UQCC2: variants seen among roughly 807,000 people sequenced by gnomAD.
UQCC2 encodes the protein ubiquinol-cytochrome c reductase complex assembly factor 2, also known as breast cancer-associated protein SGA-81M.
Under a neutral mutation model 19.9 loss-of-function variants are expected in UQCC2, and 21 were observed. The observed-to-expected ratio is 1.05, with a 90% confidence interval of 0.75 to 1.52. UQCC2 has a LOEUF of 1.52. UQCC2 is among the 40% of genes most tolerant of loss of function. UQCC2 has a pLI of 0.00. For synonymous variants in UQCC2, 57 were observed against 60.9 expected, an observed-to-expected ratio of 0.94 and a Z score of 0.30; for missense variants, 135 against 157.5, an observed-to-expected ratio of 0.86 and a Z score of 0.76.
chr6:33,704,069 G>C (rs1322748806), intron 1 of UQCC2, among the ~76,000 whole-genome samples: 2 of 152,174 alleles, frequency 1.3e-5, no homozygotes, highest in African/African-American at 2.4e-5. Flanking sequence ...GGTGGTGTGA[G>C]GATAAATGAG....
chr6:33,706,295 T>A (rs1480323292), intron 1 of UQCC2, among the ~76,000 whole-genome samples: 2 of 152,230 alleles, frequency 1.3e-5, no homozygotes, highest in Non-Finnish European at 2.9e-5. Context: ...GAGTTCATTC[T>A]GTTATGGGAG....
rs1431455474 is a variant in UQCC2, at chr6:33,697,605, A to T, written c.*48T>A. Reference sequence around the variant, plus strand: ...TGGGGCAGTTTTATTGACGATGGCAATGTACAAGACTCCACACCTAGGTAT... The same window carrying T: ...TGGGGCAGTTTTATTGACGATGGCATTGTACAAGACTCCACACCTAGGTAT... On this transcript the variant is annotated 3_prime_UTR_variant, in exon 4 of 4. Coordinates refer to ENST00000607484, the MANE Select transcript of UQCC2 (RefSeq NM_032340.4). 1 of 1,421,486 alleles carries T rather than the reference A, an allele frequency of 7.0e-7. No individual in the cohort carries two copies. Among genetic ancestry groups the T allele is most frequent in the South Asian group, 1.3e-5 (1 of 79,698 alleles). The allele number at this position is 1,421,486 out of a possible 1,614,324, so 88.1% of individuals were successfully genotyped here.
intron 1 of UQCC2, 47 bp from the exon 2 acceptor site, chr6:33,701,467 T>C (rs2127334278): frequency 6.3e-7 from 1 of 1,576,550 alleles, no homozygotes; most frequent in South Asian, 1.1e-5. Flanking sequence ...GAGTCCTGCC[T>C]CCCACAGTGT....
At chr6:33,702,336 CAA>C (rs10947431) in intron 1 of UQCC2, among the ~76,000 whole-genome samples, 24 of 130,152 alleles carry the variant, frequency 1.8e-4, no homozygotes, top group Admixed American at 3.1e-4. Context: ...TTAGCAAAGG[CAA>C]AAAAAAAAAA....
At chr6:33,708,019 G>T (rs1020669120) in intron 1 of UQCC2, among the ~76,000 whole-genome samples, 3 of 152,218 alleles carry the variant, frequency 2.0e-5, no homozygotes, top group African/African-American at 7.2e-5. Flanking sequence ...TGGAGGCAGT[G>T]GTTTTTGTAC....
intron 1 of UQCC2, among the ~76,000 whole-genome samples, chr6:33,709,753 TTCG>T (rs1010218561): frequency 6.6e-6 from 1 of 152,086 alleles, no homozygotes; most frequent in Non-Finnish European, 1.5e-5. Flanking sequence ...TTGGCTCTGT[TTCG>T]GGCTAAGCTG....
intron 1 of UQCC2, among the ~76,000 whole-genome samples, chr6:33,704,330 A>T (rs1279113672): frequency 6.6e-6 from 1 of 152,220 alleles, no homozygotes; most frequent in Non-Finnish European, 1.5e-5. Context: ...GGATGGGCGC[A>T]TGTACCGGCA....
chr6:33,701,499 T>C (rs1414810126), intron 1 of UQCC2, 79 bp from the exon 2 acceptor site: 4 of 1,426,802 alleles, frequency 2.8e-6, no homozygotes. Context: ...GGAAAGACCA[T>C]ACTTAATAAA....
chr6:33,706,489 G>GT (rs1765700067), intron 1 of UQCC2, among the ~76,000 whole-genome samples: 1 of 152,080 alleles, frequency 6.6e-6, no homozygotes, highest in East Asian at 1.9e-4. Flanking sequence ...GGGGCAATGT[G>GT]TAAGTGAGAG....
intron 1 of UQCC2, among the ~76,000 whole-genome samples, chr6:33,708,359 G>A (rs1305534195): frequency 6.6e-6 from 1 of 152,146 alleles, no homozygotes; most frequent in Non-Finnish European, 1.5e-5. Flanking sequence ...TTTCTCACTT[G>A]GCTTGTCTCT....
At chr6:33,701,931 C>A (rs930858280) in intron 1 of UQCC2, among the ~76,000 whole-genome samples, 1 of 151,826 alleles carries the variant, frequency 6.6e-6, no homozygotes, top group African/African-American at 2.4e-5. Context: ...AAGGGCAGGC[C>A]TTCCTGGGGG....
intron 3 of UQCC2, 81 bp from the exon 4 acceptor site, chr6:33,697,831 G>C: frequency 1.7e-6 from 2 of 1,144,062 alleles, no homozygotes; most frequent in Non-Finnish European, 2.5e-6. Context: ...GGGCTTTCCC[G>C]ACACAAGCAT....
chr6:33,701,465 C>T, intron 1 of UQCC2, 45 bp from the exon 2 acceptor site: 1 of 1,583,756 alleles, frequency 6.3e-7, no homozygotes. Context: ...AGGAGTCCTG[C>T]CTCCCACAGT....
chr6:33,703,532 G>A (rs986876040), intron 1 of UQCC2, among the ~76,000 whole-genome samples: 2 of 151,894 alleles, frequency 1.3e-5, no homozygotes, highest in East Asian at 3.9e-4. Context: ...CAAGGCTGTA[G>A]GGAGCAGGGG....
chr6:33,703,242 G>A (rs1765660458), intron 1 of UQCC2, among the ~76,000 whole-genome samples: 1 of 152,166 alleles, frequency 6.6e-6, no homozygotes, highest in Non-Finnish European at 1.5e-5. Context: ...TCGGCTCACT[G>A]CAAACTCCCC....
chr6:33,705,639 T>C (rs770240743), intron 1 of UQCC2, among the ~76,000 whole-genome samples: 1 of 152,146 alleles, frequency 6.6e-6, no homozygotes, highest in Admixed American at 6.5e-5. Context: ...AAAAAAGTCA[T>C]GCTTACTACT....
intron 1 of UQCC2, among the ~76,000 whole-genome samples, chr6:33,710,140 C>T (rs867958162): frequency 1.3e-5 from 2 of 152,140 alleles, no homozygotes; most frequent in Non-Finnish European, 2.9e-5. Flanking sequence ...ACTCAACCTG[C>T]GCATAACCTG....
rs147385905 is a variant in UQCC2, at chr6:33,702,153, T to C, written c.139-733A>G. 1.8e-3 allele frequency among the ~76,000 whole-genome samples: 275 copies of C among 152,222 alleles called. 2 individuals are homozygous for C. Among genetic ancestry groups the C allele is most frequent in the African/African-American group, 6.0e-3 (251 of 41,542 alleles). ...TCCTGAGTAACTGGGATTAAAGGCA[T>C]GTGCCACCACACCCAGCTAATTTTT... On this transcript the variant is annotated intron_variant, in intron 1 of 3. Coordinates refer to ENST00000607484, the MANE Select transcript of UQCC2 (RefSeq NM_032340.4).
intron 2 of UQCC2, 76 bp from the exon 3 acceptor site, chr6:33,700,589 A>G: frequency 6.5e-7 from 1 of 1,534,544 alleles, no homozygotes; most frequent in Non-Finnish European, 9.0e-7. Flanking sequence ...ACTGCATTTC[A>G]CCTAGGCCCT....
Sources: allele counts gnomAD v4.1 joint callset (sites outside exome capture counted in the v4.1 genomes callset), GRCh38; gene constraint gnomAD v4.1.1; transcripts MANE v1.5; gene names NCBI Gene and HGNC (gene_info 2026-07-23, HGNC 2026-07-21).